The following TIPIN variants were observed in gnomAD, a reference collection of about 807,000 sequenced individuals.
TIPIN encodes TIMELESS interacting protein.
Under a neutral mutation model 35.6 loss-of-function variants are expected in TIPIN, and 29 were observed. The observed-to-expected ratio is 0.82, with a 90% CI of 0.61 to 1.11. The LOEUF is 1.11. Among genes scored for constraint, TIPIN ranks in the 50% most tolerant of loss-of-function variants. The pLI is 0.00. For missense variants in TIPIN, 296 were observed against 345.4 expected, an observed-to-expected ratio of 0.86 and a Z score of 1.13; for synonymous variants, 102 against 121.5, an observed-to-expected ratio of 0.84 and a Z score of 1.06.
At chr15:66,368,123 C>T (rs932237533) in intron 1 of TIPIN, among the ~76,000 whole-genome samples, 6 of 152,044 alleles carry the variant, frequency 3.9e-5, no homozygotes, top group Admixed American at 6.6e-5. Context: ...TGAGACCCTA[C>T]GCCCAGCCTA....
chr15:66,353,215 T>C (rs1377841459), intron 1 of TIPIN, among the ~76,000 whole-genome samples: 1 of 152,022 alleles, frequency 6.6e-6, no homozygotes, highest in African/African-American at 2.4e-5. Flanking sequence ...TCCCCTACCA[T>C]AAAAAGATGA....
chr15:66,358,496 C>G (rs1042934791), upstream of TIPIN, among the ~76,000 whole-genome samples: 1 of 150,824 alleles, frequency 6.6e-6, no homozygotes, highest in Non-Finnish European at 1.5e-5. Flanking sequence ...TGCAGTGGTG[C>G]GATCACAGCT....
At chr15:66,367,631 G>C (rs553561345) in intron 1 of TIPIN, among the ~76,000 whole-genome samples, 2 of 151,920 alleles carry the variant, frequency 1.3e-5, no homozygotes, top group East Asian at 1.9e-4. Context: ...TTGACCTCGT[G>C]ATCTGCCTGC....
chr15:66,339,067 G>A (rs915779853), intron 7 of TIPIN, among the ~76,000 whole-genome samples: 1 of 138,286 alleles, frequency 7.2e-6, no homozygotes, highest in African/African-American at 2.7e-5. Context: ...GGGAGGCAGA[G>A]GTTGCAGTGA....
At chr15:66,375,514 T>TTTCAAA (rs1164852507) in intron 1 of TIPIN, among the ~76,000 whole-genome samples, 2 of 146,004 alleles carry the variant, frequency 1.4e-5, no homozygotes, top group Admixed American at 1.4e-4. Flanking sequence ...TATATATATA[T>TTTCAAA]ATATATATAT....
chr15:66,339,737 T>C (rs2093071943), intron 7 of TIPIN, among the ~76,000 whole-genome samples: 1 of 152,148 alleles, frequency 6.6e-6, no homozygotes, highest in African/African-American at 2.4e-5. Context: ...TTTCTAAAAA[T>C]ACTAATAATA....
At position 66,352,926 on chromosome 15, in the gene TIPIN, C is replaced by A; in HGVS notation, c.22G>T (p.Gly8Cys). Residue 8 changes from glycine (G) to cysteine (C), a missense_variant, in exon 2 of 8, where the codon GGC becomes TGC. Transcript: ENST00000261881. ...TCATAATCTGGTAGGTCAATCACGC[C>A]ATTCTCCTGTGGTTCTAGCATCTTT... MLEPQEN[G>C]VIDLPDYEHV... 1 of 1,613,608 alleles carries A rather than the reference C, an allele frequency of 6.2e-7. No individual in the cohort carries two copies. The highest frequency in any genetic ancestry group is 8.5e-7 in the Non-Finnish European group (1 of 1,179,874).
chr15:66,355,545 C>T (rs2093198355), intron 1 of TIPIN, among the ~76,000 whole-genome samples: 2 of 151,294 alleles, frequency 1.3e-5, no homozygotes, highest in Admixed American at 1.3e-4. Context: ...GTCAGGAGTT[C>T]GAGACCAGCC....
chr15:66,351,452 C>T, intron 4 of TIPIN, 73 bp downstream of exon 4: 1 of 1,143,344 alleles, frequency 8.7e-7, no homozygotes, highest in Non-Finnish European at 1.3e-6. Context: ...CTGAGATTTC[C>T]AAGATCATAA....
chr15:66,338,112 C>T (rs1421032820), intron 7 of TIPIN, among the ~76,000 whole-genome samples: 7 of 151,878 alleles, frequency 4.6e-5, no homozygotes, highest in South Asian at 2.1e-4. Flanking sequence ...AAAAATTAGC[C>T]GGACATGGTG....
intron 2 of TIPIN, 48 bp from the exon 3 acceptor site, chr15:66,352,255 T>C: frequency 7.4e-7 from 1 of 1,345,890 alleles, no homozygotes; most frequent in Non-Finnish European, 1.0e-6. Context: ...AAATGATTTG[T>C]ATTATTTATT....
intron 6 of TIPIN, among the ~76,000 whole-genome samples, chr15:66,342,073 A>G (rs983479708): frequency 7.2e-5 from 11 of 151,802 alleles, no homozygotes; most frequent in African/African-American, 2.2e-4. Context: ...AATCCCAGCT[A>G]CTCAGGAGGC....
intron 1 of TIPIN, among the ~76,000 whole-genome samples, chr15:66,370,257 C>A (rs1326729859): frequency 5.9e-5 from 9 of 152,078 alleles, no homozygotes; most frequent in African/African-American, 1.9e-4. Flanking sequence ...CTGACTCCCA[C>A]CAAAAAACAG....
At chr15:66,373,653 C>T (rs2093285611) in intron 1 of TIPIN, among the ~76,000 whole-genome samples, 1 of 152,088 alleles carries the variant, frequency 6.6e-6, no homozygotes, top group Non-Finnish European at 1.5e-5. Flanking sequence ...AATAGTTCCA[C>T]ATCATTATCA....
In TIPIN at chr15:66,382,350, G is replaced by C; in HGVS notation, c.-9+4257C>G. 3.0e-6 allele frequency: 3 copies of C among 985,164 alleles called. No individual in the cohort carries two copies. In the South Asian group the frequency reaches 1.4e-4, roughly 46 times the overall value. 61.0% of individuals were successfully genotyped at this position (985,164 alleles called of 1,614,324 possible). A position where few individuals can be genotyped will look rare whatever the true frequency, so the allele number is the denominator to read the frequency against. On this transcript the variant is annotated intron_variant, in intron 1 of 7. Transcript: ENST00000562124. ...TGTTTGATTTTGAACCTAAGATATA[G>C]AGGTCTGAGTTAAATGTACTCCTCA... is the stretch of plus-strand genomic sequence containing the variant.
chr15:66,343,979 C>A lies in TIPIN; in HGVS notation c.476-2623G>T, dbSNP rs572244347. On this transcript the variant is annotated intron_variant, in intron 6 of 7. Coordinates refer to ENST00000261881, the MANE Select transcript of TIPIN (RefSeq NM_017858.3). ...CACCACTGCACTCCAGCCTGGGCAA[C>A]AAGAGTGAAACTCCGTCTCAAAAAA... Among the ~76,000 whole-genome samples, 50 of 152,268 alleles carry A rather than the reference C, an allele frequency of 3.3e-4. No individual in the cohort carries two copies. In the Middle Eastern group the frequency reaches 0.01, roughly 31 times the overall value.
intron 6 of TIPIN, among the ~76,000 whole-genome samples, chr15:66,346,151 T>A (rs922122114): frequency 6.6e-6 from 1 of 152,120 alleles, no homozygotes; most frequent in Non-Finnish European, 1.5e-5. Context: ...TTTCACCATG[T>A]TGGCCAGGCT....
chr15:66,336,867 T>C lies in TIPIN; in HGVS notation c.*91A>G, dbSNP rs2093047945. On this transcript the variant is annotated 3_prime_UTR_variant, in exon 8 of 8. Transcript: ENST00000261881. ...AATAATCTATAACAGTTTTACTATC[T>C]AAGGATTTTCACTCCAAGAAGAAAA... The C allele has an allele frequency of 9.5e-7, 1 of 1,054,604 alleles. No individual in the cohort carries two copies. Among genetic ancestry groups the C allele is most frequent in the Non-Finnish European group, 1.4e-6 (1 of 714,928 alleles). 65.3% of individuals were successfully genotyped at this position (1,054,604 alleles called of 1,614,324 possible).
Position 66,341,156 on chromosome 15 carries a change from C to A in TIPIN, c.676G>T (p.Gly226Ter), listed in dbSNP as rs751692954. ...AATTTGGCATAAAATTTACCATTTCCTAGGGTCTGACTATTACTCAGCAGC... is the reference window on the plus strand; with the variant it reads ...AATTTGGCATAAAATTTACCATTTCATAGGGTCTGACTATTACTCAGCAGC... ...AKLLSNSQTLGNDMLMNTPRA... is the reference protein window; with the variant it reads ...AKLLSNSQTL The change falls in exon 7 of 8, where the codon GGA (glycine) becomes TGA (stop). Residue 226 changes from glycine (G) to a stop codon, truncating the protein, a stop_gained. Transcript: ENST00000261881. LOFTEE classifies it high-confidence loss of function. The A allele has an allele frequency of 1.9e-5, 30 of 1,610,224 alleles. No individual in the cohort carries two copies. Among genetic ancestry groups the A allele is most frequent in the Non-Finnish European group, 2.5e-5 (30 of 1,179,594 alleles).
Sources: gnomAD v4.1 joint callset for allele counts (sites outside exome capture counted in the v4.1 genomes callset) on GRCh38, gnomAD v4.1.1 for gene constraint, MANE v1.5 for transcripts, NCBI Gene and HGNC (gene_info 2026-07-23, HGNC 2026-07-21) for gene names.